ZNF519: variants seen among roughly 807,000 people sequenced by gnomAD.
The protein encoded by ZNF519 is similar to Zinc finger protein 85 (Zinc finger protein HPF4) (HTF1).
ZNF519 carries 7 observed loss-of-function variants against 7.4 expected under a neutral mutation model. The observed-to-expected ratio is 0.94, with a 90% confidence interval of 0.54 to 1.77. The LOEUF is 1.77. ZNF519 is among the 40% of genes most tolerant of loss of function. The pLI, the probability that ZNF519 is intolerant of heterozygous loss-of-function variation, is 0.00. For synonymous variants in ZNF519, 179 were observed against 203.3 expected (o/e 0.88, Z 1.02); for missense variants, 586 against 623.1 (o/e 0.94, Z 0.63).
At chr18:14,116,365 A>C (rs2046246020) in intron 2 of ZNF519, among the ~76,000 whole-genome samples, 1 of 152,194 alleles carries the variant, frequency 6.6e-6, no homozygotes, top group South Asian at 2.1e-4. Flanking sequence ...TGGCCCAAAC[A>C]TTCTTAGAAA....
chr18:14,125,776 C>T (rs1477358535), intron 1 of ZNF519, among the ~76,000 whole-genome samples: 1 of 152,040 alleles, frequency 6.6e-6, no homozygotes, highest in Non-Finnish European at 1.5e-5. Flanking sequence ...CCTCCGCCTC[C>T]CAGGTCCAAG....
At chr18:14,092,207 T>C (rs186359636) in intron 2 of ZNF519, among the ~76,000 whole-genome samples, 2 of 152,068 alleles carry the variant, frequency 1.3e-5, no homozygotes, top group Admixed American at 6.5e-5. Context: ...GACTTGCTGA[T>C]GTCTATGGGT....
At chr18:14,080,181 A>G (rs2046064842) in intron 3 of ZNF519, 1 of 152,126 alleles carries the variant, frequency 6.6e-6, no homozygotes, top group African/African-American at 2.4e-5. Context: ...ATATCAGTAC[A>G]CACTTACCTA....
At chr18:14,098,161 C>CTT (rs11438208), downstream of ZNF519, among the ~76,000 whole-genome samples, 101 of 139,786 alleles carry the variant, frequency 7.2e-4, no homozygotes, top group Middle Eastern at 0.011. Context: ...CTTTCACTGT[C>CTT]TTTTTTTTTT....
At chr18:14,079,128 C>T (rs2046060445) in intron 3 of ZNF519, among the ~76,000 whole-genome samples, 1 of 152,168 alleles carries the variant, frequency 6.6e-6, no homozygotes, top group Non-Finnish European at 1.5e-5. Context: ...CTTTCTATGG[C>T]CCTCCTGTTT....
intron 2 of ZNF519, among the ~76,000 whole-genome samples, chr18:14,106,993 T>C (rs2046196571): frequency 1.5e-4 from 1 of 6,510 alleles, no homozygotes; most frequent in Non-Finnish European, 1.0e-3. Context: ...TAAAATGCTC[T>C]GGGCCCTAAA....
Position 14,104,704 on chromosome 18 carries a change from T to G in ZNF519, c.*213A>C, listed in dbSNP as rs1328862191. ...ATCTAATTGAGTTTGAATTATTTGT[T>G]ATAATAAACACACTGATTCAGAGTA... On this transcript the variant is annotated 3_prime_UTR_variant, in exon 3 of 3. Transcript: ENST00000590202. 7.0e-6 allele frequency: 3 copies of G among 428,008 alleles called. No individual in the cohort carries two copies. The highest frequency in any genetic ancestry group is 1.2e-5 in the Non-Finnish European group (3 of 248,700). 26.5% of individuals were successfully genotyped at this position (428,008 alleles called of 1,614,324 possible). A position where few individuals can be genotyped will look rare whatever the true frequency, so the allele number is the denominator to read the frequency against.
rs748593382 is a variant in ZNF519, at chr18:14,105,195, G to A, written c.1345C>T (p.Arg449Ter). 5 of 1,571,628 alleles carry A rather than the reference G, an allele frequency of 3.2e-6. No homozygotes were observed. Among genetic ancestry groups the A allele is most frequent in the Admixed American group, 3.4e-5 (2 of 58,674 alleles). ...KAFNRGSHLT[R>*]HQRIHTGEKS... ...TCTCCAGTATGGATTCTTTGATGTC[G>A]AGTAAGGTGTGAGCCCCTGTTAAAG... The change falls in exon 3 of 3, where the codon CGA becomes TGA. Residue 449 changes from arginine to a stop codon, truncating the protein, a stop_gained. Coordinates refer to ENST00000590202, the MANE Select transcript of ZNF519 (RefSeq NM_145287.4). LOFTEE classifies it low-confidence loss of function (END_TRUNC).
At position 14,105,225 on chromosome 18, in the gene ZNF519, T is replaced by TG; in HGVS notation, c.1314dup (p.Lys439GlnfsTer4). On this transcript the variant is annotated frameshift_variant, in exon 3 of 3. Transcript: ENST00000590202. LOFTEE classifies it low-confidence loss of function (END_TRUNC). ...AGGTGTGAGCCCCTGTTAAAGGCTTTGCCACATTCTTTACATTTGAAGTGT... is the reference window on the plus strand; with the variant it reads ...AGGTGTGAGCCCCTGTTAAAGGCTTTGGCCACATTCTTTACATTTGAAGTGT... 6.4e-7 allele frequency: 1 copy of TG among 1,571,698 alleles called. No individual in the cohort carries two copies. Among genetic ancestry groups the TG allele is most frequent in the South Asian group, 1.1e-5 (1 of 90,314 alleles).
chr18:14,078,644 G>A (rs1438408382), intron 3 of ZNF519, among the ~76,000 whole-genome samples: 1 of 152,110 alleles, frequency 6.6e-6, no homozygotes, highest in Non-Finnish European at 1.5e-5. Flanking sequence ...TTGAACATAT[G>A]AATATAATTG....
intron 3 of ZNF519, chr18:14,084,300 AT>A (rs909472816): frequency 6.6e-6 from 1 of 151,938 alleles, no homozygotes; most frequent in Non-Finnish European, 1.5e-5. Flanking sequence ...TGTGGAAAAT[AT>A]TTTTTTTAGG....
downstream of ZNF519, among the ~76,000 whole-genome samples, chr18:14,097,225 T>G (rs1351126684): frequency 2.0e-5 from 3 of 152,220 alleles, no homozygotes; most frequent in African/African-American, 7.2e-5. Context: ...TTCATCATTC[T>G]TATTACAATG....
rs909521108 is a variant in ZNF519 at position 14,100,880 on chromosome 18, T to C, written c.*4037A>G. 2 of 152,242 alleles carry C rather than the reference T, an allele frequency of 1.3e-5. No homozygotes were observed. The highest frequency in any genetic ancestry group is 1.3e-4 in the Admixed American group (2 of 15,288). 9.4% of individuals were successfully genotyped at this position (152,242 alleles called of 1,614,324 possible). A position where few individuals can be genotyped will look rare whatever the true frequency, so the allele number is the denominator to read the frequency against. ...ATTTTTATAATCTTATATCTTACTA[T>C]AGTTTTCTAGAGTTTTAAATAGTTT... is the stretch of plus-strand genomic sequence containing the variant. On this transcript the variant is annotated 3_prime_UTR_variant, in exon 3 of 3. Transcript: ENST00000590202.
chr18:14,105,944 G>A lies in ZNF519; in HGVS notation c.596C>T (p.Pro199Leu). The change falls in exon 3 of 3, where the codon CCT (proline) becomes CTT (leucine). Residue 199 changes from proline (P) to leucine (L), a missense_variant. Physicochemically the swap from Pro to Leu is moderately conservative, Grantham distance 98 (BLOSUM62 -3). Coordinates refer to ENST00000590202, the MANE Select transcript of ZNF519 (RefSeq NM_145287.4). ...CTTTTTTTGAATATGGATATTTTCA[G>A]GGAAAATAAGCTTTGAGGATTGGTA... is the stretch of plus-strand genomic sequence containing the variant. The part of the protein sequence containing the change: ...VFYQSSKLIF[P>L]ENIHIQKKPY... The A allele has an allele frequency of 2.5e-6, 4 of 1,605,890 alleles. No homozygotes were observed. Among genetic ancestry groups the A allele is most frequent in the Non-Finnish European group, 3.4e-6 (4 of 1,175,354 alleles).
At chr18:14,116,746 C>T (rs551721421) in intron 2 of ZNF519, among the ~76,000 whole-genome samples, 1 of 152,298 alleles carries the variant, frequency 6.6e-6, no homozygotes, top group Non-Finnish European at 1.5e-5. Context: ...GTGGCTCACA[C>T]CTGTAATCCT....
At chr18:14,121,994 G>C (rs1014308355) in intron 2 of ZNF519, 1 of 152,108 alleles carries the variant, frequency 6.6e-6, no homozygotes, top group African/African-American at 2.4e-5. Context: ...AGGACTTTTT[G>C]CTTATCTGTG....
chr18:14,090,542 G>C (rs1042698564), intron 2 of ZNF519: 1 of 152,342 alleles, frequency 6.6e-6, no homozygotes, highest in Non-Finnish European at 1.5e-5. Context: ...AGCCAAGCAA[G>C]CCCTGCTGGT....
chr18:14,106,243 A>C lies in ZNF519; in HGVS notation c.297T>G (p.Asn99Lys), dbSNP rs772873696. The change falls in exon 3 of 3, where the codon AAT becomes AAG. Residue 99 changes from asparagine to lysine, a missense_variant. Coordinates refer to ENST00000590202, the MANE Select transcript of ZNF519 (RefSeq NM_145287.4). ...GEGEGQKECY[N>K]LCSQYLTTSH... ...TAGTTGTCAAATATTGGCTACATAG[A>C]TTATAACATTCCTTTTGTCCTTCAC... The C allele has an allele frequency of 8.1e-6, 13 of 1,613,566 alleles. No homozygotes were observed. Among genetic ancestry groups the C allele is most frequent in the Non-Finnish European group, 1.0e-5 (12 of 1,179,896 alleles).
At chr18:14,109,073 C>CT (rs1368554905) in intron 2 of ZNF519, among the ~76,000 whole-genome samples, 8 of 151,440 alleles carry the variant, frequency 5.3e-5, no homozygotes, top group Non-Finnish European at 1.2e-4. Context: ...CACCATTGTA[C>CT]TCCAGCCTGG....
Sources: gnomAD v4.1 joint callset for allele counts (sites outside exome capture counted in the v4.1 genomes callset) on GRCh38, gnomAD v4.1.1 for gene constraint, MANE v1.5 for transcripts, NCBI Gene and HGNC (gene_info 2026-07-23, HGNC 2026-07-21) for gene names.